ARHGEF19: variants seen among roughly 807,000 people sequenced by gnomAD.
ARHGEF19 encodes the protein Rho guanine nucleotide exchange factor 19, also known as Rho guanine nucleotide exchange factor (GEF) 19.
Under a neutral mutation model 87.6 loss-of-function variants are expected in ARHGEF19, and 92 were observed. The observed-to-expected ratio is 1.05, with a 90% confidence interval of 0.89 to 1.25. The LOEUF is 1.25. Ranked by LOEUF, ARHGEF19 falls within the 50% of genes most tolerant of loss-of-function variation. The probability of loss-of-function intolerance (pLI) is 0.00; values close to 1 mark genes in which losing one functional copy is unlikely to be tolerated. For synonymous variants in ARHGEF19, 438 were observed against 446.2 expected, an observed-to-expected ratio of 0.98 and a Z score of 0.23; for missense variants, 1,054 against 1,051.8, an observed-to-expected ratio of 1.00 and a Z score of -0.03.
intron 14 of ARHGEF19, 145 bp from the exon 15 acceptor site, chr1:16,199,399 C>G: frequency 3.0e-6 from 2 of 674,334 alleles, no homozygotes; most frequent in Non-Finnish European, 5.3e-6. Context: ...ACTGCCATGC[C>G]ACAGGCCCAC....
Position 16,206,819 on chromosome 1 carries a change from C to T in ARHGEF19, c.1137+129G>A, listed in dbSNP as rs1385928897. ...TAGTCAGGTCCTAGAGCCAACCTTC[C>T]GCGCGGACAGTCGCGCCAGCAACCC... On this transcript the variant is annotated intron_variant, in intron 6 of 15. Coordinates refer to ENST00000270747, the MANE Select transcript of ARHGEF19 (RefSeq NM_153213.5). This position sits in a 1 kb window ranked among gnomAD's most constrained non-coding sequence, Gnocchi z 4.6. 2 of 1,217,298 alleles carry T rather than the reference C, an allele frequency of 1.6e-6. No homozygotes were observed. The highest frequency in any genetic ancestry group is 2.2e-6 in the Non-Finnish European group (2 of 929,414). The allele number at this position is 1,217,298 out of a possible 1,614,324, so 75.4% of individuals were successfully genotyped here. A position where few individuals can be genotyped will look rare whatever the true frequency, so the allele number is the denominator to read the frequency against.
Position 16,206,251 on chromosome 1 carries a change from G to A in ARHGEF19, c.1227C>T (p.Ser409=). 6.3e-7 allele frequency: 1 copy of A among 1,592,996 alleles called. No homozygotes were observed. Among genetic ancestry groups the A allele is most frequent in the Middle Eastern group, 1.7e-4 (1 of 6,026 alleles). ...GCTTGTCCTGCGCCCCCAGACACTC[G>A]CTCAGCTCGGCAGAGCCTAAGAAGT... The part of the protein sequence containing the change: ...VGHFLGSAEL[S]ECLGAQDKQW... Residue 409 remains serine, a synonymous_variant, in exon 7 of 16, where the codon AGC becomes AGT. Coordinates refer to ENST00000270747, the MANE Select transcript of ARHGEF19 (RefSeq NM_153213.5). The surrounding 1 kb of genome is among the most constrained non-coding windows in gnomAD (Gnocchi z 4.6).
At chr1:16,200,279 C>T (rs986448929) in intron 14 of ARHGEF19, among the ~76,000 whole-genome samples, 5 of 152,230 alleles carry the variant, frequency 3.3e-5, no homozygotes, top group African/African-American at 1.2e-4. Context: ...TGAGTTTTCT[C>T]AGATATGAAA....
In ARHGEF19 at chr1:16,206,947, C is replaced by G; in HGVS notation, c.1137+1G>C. Reference sequence around the variant, plus strand: ...CCCGCCGGGTCCCCGCGCGCGCCCACCTCCTGCAGCTTGCAGTCCCGCAGG... The same window carrying G: ...CCCGCCGGGTCCCCGCGCGCGCCCAGCTCCTGCAGCTTGCAGTCCCGCAGG... On this transcript the variant is annotated splice_donor_variant, in intron 6 of 15. Coordinates refer to ENST00000270747, the MANE Select transcript of ARHGEF19 (RefSeq NM_153213.5). LOFTEE classifies it high-confidence loss of function. The surrounding 1 kb of genome is among the most constrained non-coding windows in gnomAD (Gnocchi z 4.6). 1 of 1,484,060 alleles carries G rather than the reference C, an allele frequency of 6.7e-7. No individual in the cohort carries two copies. Among genetic ancestry groups the G allele is most frequent in the Non-Finnish European group, 8.9e-7 (1 of 1,125,130 alleles). 91.9% of individuals were successfully genotyped at this position (1,484,060 alleles called of 1,614,324 possible).
intron 12 of ARHGEF19, 90 bp from the exon 13 acceptor site, chr1:16,202,664 G>C (rs918446086): frequency 1.3e-6 from 2 of 1,504,938 alleles, no homozygotes; most frequent in African/African-American, 2.8e-5. Context: ...GACTGGAAGT[G>C]GGGAGAAGGG....
In ARHGEF19 at chr1:16,203,014, C is replaced by T. The variant is rs543782650; in HGVS notation, c.1908-440G>A. On this transcript the variant is annotated intron_variant, in intron 12 of 15. Coordinates refer to ENST00000270747, the MANE Select transcript of ARHGEF19 (RefSeq NM_153213.5). ...CCTCTCTCTGAACCTCTCTGCCAAG[C>T]GTCTGTTCCAAAGAGCCAACTGGAC... Among the ~76,000 whole-genome samples the T allele has an allele frequency of 6.6e-5, 10 of 152,174 alleles. No individual in the cohort carries two copies. In the East Asian group the frequency reaches 1.4e-3, roughly 21 times the overall value.
intron 14 of ARHGEF19, 76 bp from the exon 15 acceptor site, chr1:16,199,330 G>T: frequency 8.1e-7 from 1 of 1,240,844 alleles, no homozygotes; most frequent in Non-Finnish European, 1.2e-6. Context: ...GGCAGGGAGG[G>T]GCAGTAGGAG....
chr1:16,200,440 C>G (rs1200296981), intron 14 of ARHGEF19, among the ~76,000 whole-genome samples: 1 of 152,230 alleles, frequency 6.6e-6, no homozygotes, highest in Non-Finnish European at 1.5e-5. Flanking sequence ...CCTAACTCCT[C>G]TGCTCAAAAG....
intron 1 of ARHGEF19, among the ~76,000 whole-genome samples, chr1:16,210,635 C>A (rs568182791): frequency 2.0e-5 from 3 of 152,328 alleles, no homozygotes; most frequent in Admixed American, 6.5e-5. Flanking sequence ...GATGGACAAA[C>A]ATTTCATGCC....
Position 16,207,072 on chromosome 1 carries a change from C to T in ARHGEF19, c.1013G>A (p.Ser338Asn), listed in dbSNP as rs1278288354. The change falls in exon 6 of 16, where the codon AGC becomes AAC. Residue 338 changes from serine to asparagine, a missense_variant. By Grantham distance (46) the Ser-to-Asn change is conservative (BLOSUM62 1). Coordinates refer to ENST00000270747, the MANE Select transcript of ARHGEF19 (RefSeq NM_153213.5). The surrounding 1 kb of genome is among the most constrained non-coding windows in gnomAD (Gnocchi z 4.0). ...CGAGCGCTGCGCCCGGAAGGAGCTG[C>T]TGGGGGAGAGGTTGGCCCGCGGCGG... ...PGPPRANLSP[S>N]SSFRAQRSAR... 4.0e-6 allele frequency: 6 copies of T among 1,510,128 alleles called. No homozygotes were observed. Among genetic ancestry groups the T allele is most frequent in the Non-Finnish European group, 8.8e-7 (1 of 1,131,698 alleles). 93.5% of individuals were successfully genotyped at this position (1,510,128 alleles called of 1,614,324 possible). A position where few individuals can be genotyped will look rare whatever the true frequency, so the allele number is the denominator to read the frequency against.
chr1:16,204,629 GCCCTGGCAGCATA>G lies in ARHGEF19; in HGVS notation c.1907+117_1907+129del, dbSNP rs990345306. On this transcript the variant is annotated intron_variant, in intron 12 of 15. Coordinates refer to ENST00000270747, the MANE Select transcript of ARHGEF19 (RefSeq NM_153213.5). Reference sequence around the variant, plus strand: ...TTCAGGAGCCTCCAAATCTCAGGGTGCCCTGGCAGCATACCCTGGCACAGGCAGGGACTCCCAG... The same window carrying G: ...TTCAGGAGCCTCCAAATCTCAGGGTGCCCTGGCACAGGCAGGGACTCCCAG... 7 of 1,122,010 alleles carry G rather than the reference GCCCTGGCAGCATA, an allele frequency of 6.2e-6. No homozygotes were observed. In the Admixed American group the frequency reaches 1.8e-4, roughly 29 times the overall value. 69.5% of individuals were successfully genotyped at this position (1,122,010 alleles called of 1,614,324 possible).
chr1:16,205,221 C>G lies in ARHGEF19; in HGVS notation c.1657-45G>C. ...GTCACCTGCAGCCCCTCAGCTCCGG[C>G]TCCCAGAGCCCAGCCTCAGACTCTT... On this transcript the variant is annotated intron_variant, in intron 10 of 15. Coordinates refer to ENST00000270747, the MANE Select transcript of ARHGEF19 (RefSeq NM_153213.5). The surrounding 1 kb of genome is among the most constrained non-coding windows in gnomAD (Gnocchi z 5.8). The G allele has an allele frequency of 1.3e-6, 2 of 1,591,294 alleles. No homozygotes were observed. The highest frequency in any genetic ancestry group is 1.7e-6 in the Non-Finnish European group (2 of 1,167,502).
In ARHGEF19 at chr1:16,197,967, C is replaced by G. The variant is rs1343421396; in HGVS notation, c.*620G>C. ...CAATCGTCCCCCTGCCCCCTGGTCA[C>G]CCTTACAGCTCAGAGATGAACTCTA... On this transcript the variant is annotated 3_prime_UTR_variant, in exon 16 of 16. Transcript: ENST00000270747. 6.6e-6 allele frequency: 1 copy of G among 152,282 alleles called. No homozygotes were observed. Among genetic ancestry groups the G allele is most frequent in the East Asian group, 1.9e-4 (1 of 5,204 alleles). The allele number at this position is 152,282 out of a possible 1,614,324, so 9.4% of individuals were successfully genotyped here. A position where few individuals can be genotyped will look rare whatever the true frequency, so the allele number is the denominator to read the frequency against.
At position 16,206,033 on chromosome 1, in the gene ARHGEF19, C is replaced by G. The variant is rs1298981787; in HGVS notation, c.1349G>C (p.Ser450Thr). 3.1e-5 allele frequency: 50 copies of G among 1,595,188 alleles called. No homozygotes were observed. Among genetic ancestry groups the G allele is most frequent in the Non-Finnish European group, 4.2e-5 (49 of 1,170,874 alleles). ...QRLEADVLRF[S>T]VCDVVLDHCP... ...GTGGTCCAGCACCACGTCGCACACG[C>G]TGAAGCGCAGCACATCTGCCTCCAG... The change falls in exon 8 of 16, where the codon AGC (serine) becomes ACC (threonine). Residue 450 changes from serine to threonine, a missense_variant. Coordinates refer to ENST00000270747, the MANE Select transcript of ARHGEF19 (RefSeq NM_153213.5). This position sits in a 1 kb window ranked among gnomAD's most constrained non-coding sequence, Gnocchi z 4.6.
Position 16,208,639 on chromosome 1 carries a change from TCA to T in ARHGEF19, c.412+2_412+3del, listed in dbSNP as rs1397083650. The T allele has an allele frequency of 3.7e-6, 6 of 1,600,314 alleles. No homozygotes were observed. In the South Asian group the frequency reaches 6.7e-5, roughly 18 times the overall value. ...CCACACCCGCCTTCCCCAGGGTGAC[TCA>T]CAGGCAGACTTCTTCTCCGAGCCGT... On this transcript the variant is annotated splice_donor_variant and splice_donor_region_variant and intron_variant, in intron 2 of 15. Transcript: ENST00000270747. LOFTEE classifies it high-confidence loss of function.
Position 16,204,789 on chromosome 1 carries a change from T to C in ARHGEF19, c.1877A>G (p.Asn626Ser). 1 of 1,611,254 alleles carries C rather than the reference T, an allele frequency of 6.2e-7. No individual in the cohort carries two copies. The highest frequency in any genetic ancestry group is 2.2e-5 in the East Asian group (1 of 44,804). ...CCGCCGAGAGAGCAGCAAGCAGTCATTGAAGAGGTGGAGGTAGACTGCCTT... is the reference window on the plus strand; with the variant it reads ...CCGCCGAGAGAGCAGCAAGCAGTCACTGAAGAGGTGGAGGTAGACTGCCTT... ...SSKAVYLHLF[N>S]DCLLLSRRKE... Residue 626 changes from asparagine (N) to serine (S), a missense_variant, in exon 12 of 16, where the codon AAT (asparagine) becomes AGT (serine). Physicochemically the swap from Asn to Ser is conservative, Grantham distance 46. Transcript: ENST00000270747.
In ARHGEF19 at chr1:16,204,747, G is replaced by A; in HGVS notation, c.1907+12C>T. 1.3e-6 allele frequency: 2 copies of A among 1,576,292 alleles called. No homozygotes were observed. Among genetic ancestry groups the A allele is most frequent in the South Asian group, 2.3e-5 (2 of 86,102 alleles). On this transcript the variant is annotated intron_variant, in intron 12 of 15. Transcript: ENST00000270747. ...CCACTTTACCTACCCACCCCTGACT[G>A]CCCCGACTCACTCCTTCCGCCGAGA... is the stretch of plus-strand genomic sequence containing the variant.
chr1:16,203,563 C>A (rs1429204265), intron 12 of ARHGEF19, among the ~76,000 whole-genome samples: 1 of 152,178 alleles, frequency 6.6e-6, no homozygotes, highest in African/African-American at 2.4e-5. Flanking sequence ...ACGCTCCCTG[C>A]TGCCTCAGAA....
chr1:16,208,900 GGGAAAA>G lies in ARHGEF19; in HGVS notation c.149_154del (p.Leu50_Phe51del). The G allele has an allele frequency of 1.9e-6, 3 of 1,601,304 alleles. No individual in the cohort carries two copies. The highest frequency in any genetic ancestry group is 2.6e-6 in the Non-Finnish European group (3 of 1,175,840). On this transcript the variant is annotated inframe_deletion, in exon 2 of 16. Coordinates refer to ENST00000270747, the MANE Select transcript of ARHGEF19 (RefSeq NM_153213.5). ...AGCCCGAAGCTCCTCTGGGGCAACAGGGAAAAGGTCCAGACACACTGGGCTCGGGGG... is the reference window on the plus strand; with the variant it reads ...AGCCCGAAGCTCCTCTGGGGCAACAGGGTCCAGACACACTGGGCTCGGGGG...
Sources: allele counts gnomAD v4.1 joint callset (sites outside exome capture counted in the v4.1 genomes callset), GRCh38; gene constraint gnomAD v4.1.1; non-coding constraint Gnocchi (gnomAD v3.1); transcripts MANE v1.5; gene names NCBI Gene and HGNC (gene_info 2026-07-23, HGNC 2026-07-21).